SCARA5: variants seen among roughly 807,000 people sequenced by gnomAD.
The protein encoded by SCARA5 is scavenger receptor class A, member 5 (putative).
SCARA5 carries 45 observed loss-of-function variants against 46.3 expected under a neutral mutation model. The observed-to-expected ratio is 0.97, with a 90% CI of 0.76 to 1.24. SCARA5 has a LOEUF of 1.24. Ranked by LOEUF, SCARA5 falls within the 50% of genes most tolerant of loss-of-function variation. The pLI is 0.00. For synonymous variants in SCARA5, 333 were observed against 306.5 expected (o/e 1.09, Z -0.90); for missense variants, 680 against 689.0 (o/e 0.99, Z 0.15).
At chr8:27,930,089 C>A (rs1389868257) in intron 3 of SCARA5, among the ~76,000 whole-genome samples, 1 of 152,188 alleles carries the variant, frequency 6.6e-6, no homozygotes, top group Non-Finnish European at 1.5e-5. Flanking sequence ...GGTGAAATAA[C>A]CCAAACCACA....
intron 2 of SCARA5, among the ~76,000 whole-genome samples, chr8:27,986,945 A>G (rs1423101201): frequency 3.9e-5 from 6 of 152,206 alleles, no homozygotes; most frequent in Non-Finnish European, 7.3e-5. Flanking sequence ...GCTCCTCCAA[A>G]GGAAGCTGCA....
intron 2 of SCARA5, among the ~76,000 whole-genome samples, chr8:27,969,560 T>C (rs1425266355): frequency 3.9e-5 from 6 of 152,180 alleles, no homozygotes; most frequent in Non-Finnish European, 1.5e-5. Flanking sequence ...CTCTTCTGTA[T>C]GATACTGTAA....
chr8:27,884,269 G>A (rs1806857702), intron 7 of SCARA5, among the ~76,000 whole-genome samples: 1 of 152,196 alleles, frequency 6.6e-6, no homozygotes, highest in African/African-American at 2.4e-5. Context: ...CTGAGGCTAT[G>A]CAAGACAACA....
At chr8:27,880,221 A>T (rs1320594822) in intron 7 of SCARA5, among the ~76,000 whole-genome samples, 3 of 152,202 alleles carry the variant, frequency 2.0e-5, no homozygotes, top group Non-Finnish European at 4.4e-5. Flanking sequence ...TAAAGATTTA[A>T]ATTTAAGACC....
At position 27,932,795 on chromosome 8, in the gene SCARA5, A is replaced by AT. The variant is rs1157076728; in HGVS notation, c.242-10551dup. On this transcript the variant is annotated intron_variant, in intron 3 of 8. Coordinates refer to ENST00000354914, the MANE Select transcript of SCARA5 (RefSeq NM_173833.6). ...AGGCACCTGCCACCATAGCCGGCTA[A>AT]TTTTTTTGTATTTTTAGTAGAGACA... Among the ~76,000 whole-genome samples the AT allele has an allele frequency of 9.9e-5, 15 of 152,192 alleles. No homozygotes were observed. In the South Asian group the frequency reaches 1.5e-3, roughly 15 times the overall value.
At chr8:27,952,538 C>T (rs1241466307) in intron 3 of SCARA5, among the ~76,000 whole-genome samples, 3 of 152,202 alleles carry the variant, frequency 2.0e-5, no homozygotes, top group African/African-American at 7.2e-5. Context: ...CTTCCCTTAG[C>T]CCTGTACTCT....
intron 7 of SCARA5, among the ~76,000 whole-genome samples, chr8:27,898,999 C>T (rs1376046946): frequency 6.6e-6 from 1 of 152,242 alleles, no homozygotes; most frequent in Non-Finnish European, 1.5e-5. Context: ...TCTCCCATCC[C>T]TCTGTTCCCG....
chr8:27,978,934 A>C (rs1808569863), intron 2 of SCARA5, among the ~76,000 whole-genome samples: 2 of 150,960 alleles, frequency 1.3e-5, no homozygotes, highest in African/African-American at 4.9e-5. Flanking sequence ...CTCTTATCCT[A>C]CTCCACTCCA....
chr8:27,940,349 G>A (rs560160441), intron 3 of SCARA5, among the ~76,000 whole-genome samples: 6 of 152,198 alleles, frequency 3.9e-5, no homozygotes, highest in South Asian at 4.2e-4. Flanking sequence ...AATTTCTCAC[G>A]TCACTGTTCT....
chr8:27,895,851 T>G (rs1416324558), intron 7 of SCARA5, among the ~76,000 whole-genome samples: 1 of 152,208 alleles, frequency 6.6e-6, no homozygotes, highest in African/African-American at 2.4e-5. Flanking sequence ...TGCTTCATAT[T>G]CTCTGGAAAC....
rs577253505 is a variant in SCARA5, at chr8:27,885,025, C to T, written c.1154-5259G>A. 3.0e-4 allele frequency among the ~76,000 whole-genome samples: 39 copies of T among 128,792 alleles called. 1 individual carries two copies. In the South Asian group the frequency reaches 6.1e-3, roughly 20 times the overall value. The allele number at this position is 128,792 out of a possible 152,430, so 84.5% of individuals were successfully genotyped here. On this transcript the variant is annotated intron_variant, in intron 7 of 8. Transcript: ENST00000354914. ...GAGACAGGGCAGGCACCATCTTGGC[C>T]GGGTGGACAAGGAAGGAAATGAGAG...
intron 1 of SCARA5, among the ~76,000 whole-genome samples, chr8:27,989,256 C>T (rs1284324087): frequency 6.6e-6 from 1 of 151,058 alleles, no homozygotes; most frequent in Non-Finnish European, 1.5e-5. Flanking sequence ...CCAACTCATC[C>T]TCCTGAGTAG....
rs534302054 is a variant in SCARA5, at chr8:27,929,435, G to A, written c.242-7190C>T. Among the ~76,000 whole-genome samples, 11 of 152,282 alleles carry A rather than the reference G, an allele frequency of 7.2e-5. No homozygotes were observed. In the East Asian group the frequency reaches 1.4e-3, roughly 19 times the overall value. ...ATGGGAGGGAAGAAGGAAGCTAAGG[G>A]TCCTATTTGAGATTTAGTGACCTAA... is the stretch of plus-strand genomic sequence containing the variant. On this transcript the variant is annotated intron_variant, in intron 3 of 8. Coordinates refer to ENST00000354914, the MANE Select transcript of SCARA5 (RefSeq NM_173833.6).
chr8:27,935,204 A>C (rs1807835161), intron 3 of SCARA5, among the ~76,000 whole-genome samples: 1 of 152,168 alleles, frequency 6.6e-6, no homozygotes, highest in Non-Finnish European at 1.5e-5. Flanking sequence ...AAGCTGTCTC[A>C]TTGGTGGTAA....
intron 3 of SCARA5, among the ~76,000 whole-genome samples, chr8:27,959,517 TAGG>T (rs1808261878): frequency 1.3e-5 from 2 of 152,022 alleles, no homozygotes; most frequent in South Asian, 4.2e-4. Context: ...TCTCCCGGAC[TAGG>T]AGGAGAGCCA....
chr8:27,896,772 T>C (rs1020990702), intron 7 of SCARA5, among the ~76,000 whole-genome samples: 4 of 152,030 alleles, frequency 2.6e-5, no homozygotes, highest in African/African-American at 7.2e-5. Context: ...CTTTCTTCCA[T>C]CTGAATTCAA....
chr8:27,889,912 T>C (rs59619242), intron 7 of SCARA5, among the ~76,000 whole-genome samples: 12 of 152,226 alleles, frequency 7.9e-5, no homozygotes, highest in Non-Finnish European at 1.5e-4. Context: ...TGCACAGATA[T>C]GCAGCACTAA....
chr8:27,983,940 G>A (rs181377463), intron 2 of SCARA5, among the ~76,000 whole-genome samples: 42 of 152,050 alleles, frequency 2.8e-4, no homozygotes, highest in Non-Finnish European at 4.4e-4. Context: ...CCCACCTCTC[G>A]CCCTCCATTG....
At chr8:27,944,112 T>C in intron 3 of SCARA5, among the ~76,000 whole-genome samples, 1 of 152,174 alleles carries the variant, frequency 6.6e-6, no homozygotes, top group Non-Finnish European at 1.5e-5. Context: ...CTGCATTCTT[T>C]AAAATGTCCA....
Sources: gnomAD v4.1 joint callset for allele counts (sites outside exome capture counted in the v4.1 genomes callset) on GRCh38, gnomAD v4.1.1 for gene constraint, MANE v1.5 for transcripts, NCBI Gene and HGNC (gene_info 2026-07-23, HGNC 2026-07-21) for gene names.